EMILIN1: variants seen among roughly 807,000 people sequenced by gnomAD.
The protein encoded by EMILIN1 is elastin microfibril interfacer 1.
Under a neutral mutation model 82.4 loss-of-function variants are expected in EMILIN1, and 49 were observed. That is an observed-to-expected ratio of 0.59 (90% CI 0.47 to 0.75). The LOEUF (loss-of-function observed/expected upper bound fraction) is 0.75. Ranked by LOEUF, EMILIN1 falls within the 30% of genes least tolerant of loss-of-function variation. The pLI is 0.00. For missense variants in EMILIN1, 1,313 were observed against 1,366.4 expected (o/e 0.96, Z 0.62); for synonymous variants, 604 against 602.2 (o/e 1.00, Z -0.04).
chr2:27,080,270 T>G lies in EMILIN1; in HGVS notation c.290T>G (p.Met97Arg), dbSNP rs774139176. 6.2e-7 allele frequency: 1 copy of G among 1,613,610 alleles called. No individual in the cohort carries two copies. The highest frequency in any genetic ancestry group is 1.1e-5 in the South Asian group (1 of 91,078). Reference sequence around the variant, plus strand: ...CAGCCCCAGTGTCCCCAAAGCATCATGTGAGTCCCAGGGCCGGGCAACGGG... The same window carrying G: ...CAGCCCCAGTGTCCCCAAAGCATCAGGTGAGTCCCAGGGCCGGGCAACGGG... ...WGQPQCPQSIMYRRFLRPRYR... is the reference protein window; with the variant it reads ...WGQPQCPQSIRYRRFLRPRYR... Residue 97 changes from methionine to arginine, a missense_variant and splice_region_variant, in exon 2 of 8, where the codon ATG becomes AGG. Transcript: ENST00000380320.
chr2:27,079,147 G>C lies in EMILIN1; in HGVS notation c.82G>C (p.Gly28Arg). ...AGGGGCCGCCAGCTACCCTCCTCGA[G>C]GTTTCAGCCTCTACACAGGTTCCAG... ...AAGAASYPPR[G>R]FSLYTGSSGA... is the part of the protein sequence containing the mutation. The change falls in exon 1 of 8, where the codon GGT (glycine) becomes CGT (arginine). Residue 28 changes from glycine to arginine, a missense_variant. Coordinates refer to ENST00000380320, the MANE Select transcript of EMILIN1 (RefSeq NM_007046.4). 1 of 1,603,402 alleles carries C rather than the reference G, an allele frequency of 6.2e-7. No individual in the cohort carries two copies. The highest frequency in any genetic ancestry group is 8.5e-7 in the Non-Finnish European group (1 of 1,175,616).
Position 27,078,675 on chromosome 2 carries a change from C to T in EMILIN1, c.-391C>T, listed in dbSNP as rs533958091. On this transcript the variant is annotated 5_prime_UTR_variant, in exon 1 of 8. Coordinates refer to ENST00000380320, the MANE Select transcript of EMILIN1 (RefSeq NM_007046.4). ...CCTGTCACCCCCAGGATCCGGTCAT[C>T]AGGGAAAGAGGACAGGGAGACCAGA... 32 of 180,956 alleles carry T rather than the reference C, an allele frequency of 1.8e-4. No homozygotes were observed. The highest frequency in any genetic ancestry group is 5.6e-4 in the Admixed American group (9 of 16,006). 11.2% of individuals were successfully genotyped at this position (180,956 alleles called of 1,614,324 possible). A position where few individuals can be genotyped will look rare whatever the true frequency, so the allele number is the denominator to read the frequency against.
intron 3 of EMILIN1, 94 bp downstream of exon 3, chr2:27,081,046 T>A: frequency 1.0e-6 from 1 of 956,412 alleles, no homozygotes; most frequent in Non-Finnish European, 1.6e-6. Context: ...GAGTCCCCCG[T>A]GCTCTATGCC....
Position 27,082,956 on chromosome 2 carries a change from G to T in EMILIN1, c.1385G>T (p.Gly462Val), listed in dbSNP as rs201663523. 3.2e-6 allele frequency: 5 copies of T among 1,582,556 alleles called. No homozygotes were observed. Among genetic ancestry groups the T allele is most frequent in the South Asian group, 1.1e-5 (1 of 88,066 alleles). The change falls in exon 4 of 8, where the codon GGG becomes GTG. Residue 462 changes from glycine (G) to valine (V), a missense_variant. Gly to Val is a moderately radical substitution (Grantham distance 109). Coordinates refer to ENST00000380320, the MANE Select transcript of EMILIN1 (RefSeq NM_007046.4). ...LLANVSGELG[G>V]RLDLLEEQVA... ...GCCAATGTGAGCGGGGAGCTGGGGG[G>T]GCGGTTGGATCTGTTGGAGGAGCAG...
At chr2:27,079,267 G>A in intron 1 of EMILIN1, 32 bp downstream of exon 1, 2 of 1,525,380 alleles carry the variant, frequency 1.3e-6, no homozygotes, top group Non-Finnish European at 1.7e-6. Flanking sequence ...CGAGGCTTGG[G>A]TGGTGAGGAA....
chr2:27,083,658 C>T lies in EMILIN1; in HGVS notation c.2087C>T (p.Ala696Val). The change falls in exon 4 of 8, where the codon GCC becomes GTC. Residue 696 changes from alanine to valine, a missense_variant. By Grantham distance (64) the Ala-to-Val change is moderately conservative (BLOSUM62 0). Transcript: ENST00000380320. The stretch of plus-strand genomic sequence containing the variant: ...GAGATTAACAGGCTGCAGCAGGAGG[C>T]CACAGAGCATGCTACAGAGAGTGAA... ...ISEINRLQQE[A>V]TEHATESEER... The T allele has an allele frequency of 6.2e-7, 1 of 1,612,770 alleles. No homozygotes were observed.
chr2:27,082,416 C>T lies in EMILIN1; in HGVS notation c.845C>T (p.Ala282Val), dbSNP rs774853392. 1.2e-6 allele frequency: 2 copies of T among 1,603,354 alleles called. No individual in the cohort carries two copies. Among genetic ancestry groups the T allele is most frequent in the Non-Finnish European group, 1.7e-6 (2 of 1,176,784 alleles). Reference protein sequence around the residue: ...GGSRAPAPASAPPGPSEELLR... With the variant: ...GGSRAPAPASVPPGPSEELLR... The stretch of plus-strand genomic sequence containing the variant: ...AGCAGGGCCCCAGCCCCAGCCTCAG[C>T]CCCTCCGGGCCCCAGTGAGGAGCTG... Residue 282 changes from alanine to valine, a missense_variant, in exon 4 of 8, where the codon GCC (alanine) becomes GTC (valine). Transcript: ENST00000380320.
chr2:27,080,681 G>A (rs956314737), intron 2 of EMILIN1, 51 bp from the exon 3 acceptor site: 20 of 1,491,774 alleles, frequency 1.3e-5, no homozygotes, highest in Non-Finnish European at 1.3e-5. Context: ...AGGGACCAGG[G>A]TCACTGACCG....
In EMILIN1 at chr2:27,080,838, C is replaced by A; in HGVS notation, c.397C>A (p.Pro133Thr). ...TGGGGGCGATGACTGTGCTGAGAGT[C>A]CCGCTCCAGCGCTGGGGCCTGCGTC... is the stretch of plus-strand genomic sequence containing the variant. Reference protein sequence around the residue: ...GYGGDDCAESPAPALGPASST... With the variant: ...GYGGDDCAESTAPALGPASST... Residue 133 changes from proline to threonine, a missense_variant, in exon 3 of 8, where the codon CCC becomes ACC. Coordinates refer to ENST00000380320, the MANE Select transcript of EMILIN1 (RefSeq NM_007046.4). The A allele has an allele frequency of 6.2e-7, 1 of 1,612,734 alleles. No homozygotes were observed. Among genetic ancestry groups the A allele is most frequent in the Non-Finnish European group, 8.5e-7 (1 of 1,179,650 alleles).
At position 27,083,579 on chromosome 2, in the gene EMILIN1, G is replaced by C; in HGVS notation, c.2008G>C (p.Gly670Arg). 1 of 1,614,010 alleles carries C rather than the reference G, an allele frequency of 6.2e-7. No homozygotes were observed. The highest frequency in any genetic ancestry group is 8.5e-7 in the Non-Finnish European group (1 of 1,179,898). Residue 670 changes from glycine to arginine, a missense_variant, in exon 4 of 8, where the codon GGC (glycine) becomes CGC (arginine). By Grantham distance (125) the Gly-to-Arg change is moderately radical. Coordinates refer to ENST00000380320, the MANE Select transcript of EMILIN1 (RefSeq NM_007046.4). ...GAATGAGCTCCAGACCACTGTGGAG[G>C]GCCAGGGCGCTGATCTGGCTGACCT... ...SLNELQTTVE[G>R]QGADLADLGA...
In EMILIN1 at chr2:27,086,381, A is replaced by T. The variant is rs1331502377; in HGVS notation, c.*366A>T. ...CATACTAAACGATCGAGGAATAAAG[A>T]CACTTGGTTTTTCTAAAAAAAACTA... On this transcript the variant is annotated 3_prime_UTR_variant, in exon 8 of 8. Coordinates refer to ENST00000380320, the MANE Select transcript of EMILIN1 (RefSeq NM_007046.4). 1 of 218,222 alleles carries T rather than the reference A, an allele frequency of 4.6e-6. No individual in the cohort carries two copies. Among genetic ancestry groups the T allele is most frequent in the Non-Finnish European group, 9.0e-6 (1 of 111,554 alleles). The allele number at this position is 218,222 out of a possible 1,614,324, so 13.5% of individuals were successfully genotyped here.
chr2:27,080,459 G>A (rs972298068), intron 2 of EMILIN1, among the ~76,000 whole-genome samples, 189 bp downstream of exon 2: 1 of 152,202 alleles, frequency 6.6e-6, no homozygotes, highest in Admixed American at 6.5e-5. Flanking sequence ...CCTGCCTCAC[G>A]CGCCAGCCCC....
chr2:27,080,607 C>A, intron 2 of EMILIN1, 125 bp from the exon 3 acceptor site: 2 of 786,974 alleles, frequency 2.5e-6, no homozygotes, highest in Non-Finnish European at 2.0e-6. Flanking sequence ...ACATGTTGGA[C>A]AGTAAGAGGG....
Position 27,085,964 on chromosome 2 carries a change from C to T in EMILIN1, c.3000C>T (p.Thr1000=), listed in dbSNP as rs1669621689. ...TGGCGCACTCGGAGGAGCCGCTCAC[C>T]ATCTTCAGCGGGGCCCTGCTCTATG... The part of the protein sequence containing the change: ...GQLAHSEEPL[T]IFSGALLYGD... The change falls in exon 8 of 8, where the codon ACC becomes ACT. Residue 1000 remains threonine, a synonymous_variant. Transcript: ENST00000380320. 6.6e-7 allele frequency: 1 copy of T among 1,506,030 alleles called. No individual in the cohort carries two copies. Among genetic ancestry groups the T allele is most frequent in the South Asian group, 1.3e-5 (1 of 78,492 alleles). 93.3% of individuals were successfully genotyped at this position (1,506,030 alleles called of 1,614,324 possible). A position where few individuals can be genotyped will look rare whatever the true frequency, so the allele number is the denominator to read the frequency against.
chr2:27,083,261 G>A lies in EMILIN1; in HGVS notation c.1690G>A (p.Ala564Thr). The part of the protein sequence containing the change: ...AEFTLRLNLT[A>T]ARLGQLEGLL... ...GTTCACACTACGGCTGAATCTCACTGCGGCCCGGCTAGGCCAACTGGAGGG... is the reference window on the plus strand; with the variant it reads ...GTTCACACTACGGCTGAATCTCACTACGGCCCGGCTAGGCCAACTGGAGGG... The change falls in exon 4 of 8, where the codon GCG becomes ACG. Residue 564 changes from alanine to threonine, a missense_variant. By Grantham distance (58) the Ala-to-Thr change is moderately conservative. Transcript: ENST00000380320. 1 of 1,612,622 alleles carries A rather than the reference G, an allele frequency of 6.2e-7. No homozygotes were observed. The highest frequency in any genetic ancestry group is 1.7e-5 in the Admixed American group (1 of 59,992).
rs746995753 is a variant in EMILIN1 at position 27,080,309 on chromosome 2, CT to C, written c.290+40del. 6.2e-6 allele frequency: 10 copies of C among 1,610,240 alleles called. No individual in the cohort carries two copies. In the South Asian group the frequency reaches 9.9e-5, roughly 16 times the overall value. ...CCGGGCAACGGGCCCTTGGTGGGAA[CT>C]GGGCGAGGGCAGATGGTGGGTGGCT... On this transcript the variant is annotated intron_variant, in intron 2 of 7. Transcript: ENST00000380320.
chr2:27,084,315 T>C, intron 4 of EMILIN1, 100 bp from the exon 5 acceptor site: 1 of 764,452 alleles, frequency 1.3e-6, no homozygotes, highest in South Asian at 1.6e-5. Context: ...CTCCACCTGT[T>C]CCATCCATCT....
chr2:27,080,691 G>C, intron 2 of EMILIN1, 41 bp from the exon 3 acceptor site: 1 of 1,539,642 alleles, frequency 6.5e-7, no homozygotes, highest in Non-Finnish European at 8.9e-7. Flanking sequence ...GTCACTGACC[G>C]TACAGGGAGG....
In EMILIN1 at chr2:27,082,610, C is replaced by A; in HGVS notation, c.1039C>A (p.Arg347Ser). 6.5e-7 allele frequency: 1 copy of A among 1,543,340 alleles called. No homozygotes were observed. Among genetic ancestry groups the A allele is most frequent in the Non-Finnish European group, 8.7e-7 (1 of 1,146,518 alleles). ...GCACCTCGCAGGGCTGGCGGTGGGC[C>A]GCAGGCCCCCTCAGGAATGCTGCTC... ...QRHLAGLAVG[R>S]RPPQECCSPE... The change falls in exon 4 of 8, where the codon CGC becomes AGC. Residue 347 changes from arginine to serine, a missense_variant. Physicochemically the swap from Arg to Ser is moderately radical, Grantham distance 110 (BLOSUM62 -1). Coordinates refer to ENST00000380320, the MANE Select transcript of EMILIN1 (RefSeq NM_007046.4).
Sources: allele counts gnomAD v4.1 joint callset (sites outside exome capture counted in the v4.1 genomes callset), GRCh38; gene constraint gnomAD v4.1.1; transcripts MANE v1.5; gene names NCBI Gene and HGNC (gene_info 2026-07-23, HGNC 2026-07-21).